PLCE1: variants seen among roughly 807,000 people sequenced by gnomAD.
The protein encoded by PLCE1 is 1-phosphatidylinositol 4,5-bisphosphate phosphodiesterase epsilon-1.
A neutral mutation model predicts 242.8 loss-of-function variants in PLCE1; 119 were observed. The ratio of observed to expected loss-of-function variants is 0.49; its 90% CI spans 0.42 to 0.57. The LOEUF (loss-of-function observed/expected upper bound fraction) is 0.57. Among genes scored for constraint, PLCE1 ranks in the 20% least tolerant of loss-of-function variants. PLCE1 has a pLI of 0.00. For synonymous variants in PLCE1, 945 were observed against 1,017.4 expected, an observed-to-expected ratio of 0.93 and a Z score of 1.35; for missense variants, 2,441 against 2,788.8, an observed-to-expected ratio of 0.88 and a Z score of 2.81.
chr10:94,306,037 T>G lies in PLCE1; in HGVS notation c.5623-390T>G, dbSNP rs138509976. ...ACCAGGCTGGAGTACAGTGGCGTGA[T>G]CTCAGCTCACTGCAACCTCTGCTTC... is the stretch of plus-strand genomic sequence containing the variant. On this transcript the variant is annotated intron_variant, in intron 25 of 32. Coordinates refer to ENST00000371380, the MANE Select transcript of PLCE1 (RefSeq NM_016341.4). This position sits in a 1 kb window ranked among gnomAD's most constrained non-coding sequence, Gnocchi z 5.7. Among the ~76,000 whole-genome samples the G allele has an allele frequency of 1.2e-3, 182 of 152,074 alleles. No homozygotes were observed. Among genetic ancestry groups the G allele is most frequent in the Middle Eastern group, 0.01 (3 of 294 alleles).
intron 32 of PLCE1, among the ~76,000 whole-genome samples, chr10:94,327,198 G>T (rs898267021): frequency 6.6e-6 from 1 of 152,172 alleles, no homozygotes. Context: ...ATAGTCATTG[G>T]TGCATCTATG....
At chr10:94,044,124 A>G (rs2061831524) in intron 2 of PLCE1, among the ~76,000 whole-genome samples, 1 of 152,218 alleles carries the variant, frequency 6.6e-6, no homozygotes, top group African/African-American at 2.4e-5. Context: ...TGCCCTGAGA[A>G]TCCAGTGACT....
chr10:94,235,195 C>T (rs2050280426), intron 6 of PLCE1, among the ~76,000 whole-genome samples: 1 of 152,000 alleles, frequency 6.6e-6, no homozygotes, highest in Admixed American at 6.6e-5. Flanking sequence ...CACCTGATAT[C>T]AGAAAGACTT....
At chr10:94,186,542 A>T (rs1188431276) in intron 4 of PLCE1, among the ~76,000 whole-genome samples, 1 of 152,256 alleles carries the variant, frequency 6.6e-6, no homozygotes, top group East Asian at 1.9e-4. Context: ...TTTGATAAAT[A>T]TGTGCCATGT....
At chr10:94,111,484 G>A (rs2045953848) in intron 2 of PLCE1, among the ~76,000 whole-genome samples, 1 of 152,218 alleles carries the variant, frequency 6.6e-6, no homozygotes, top group East Asian at 1.9e-4. Context: ...CCTCCTGACA[G>A]GGAACAGGAT....
intron 2 of PLCE1, among the ~76,000 whole-genome samples, chr10:94,087,854 T>C (rs1165314176): frequency 6.6e-6 from 1 of 152,234 alleles, no homozygotes; most frequent in East Asian, 1.9e-4. Context: ...GTTTGATACT[T>C]ACCCCTACAT....
At chr10:94,115,521 T>G (rs537948125) in intron 2 of PLCE1, among the ~76,000 whole-genome samples, 1 of 152,254 alleles carries the variant, frequency 6.6e-6, no homozygotes, top group Admixed American at 6.5e-5. Flanking sequence ...TGGCCAGTGA[T>G]GATCAGCATT....
chr10:94,136,918 C>G (rs148796926), intron 3 of PLCE1, among the ~76,000 whole-genome samples: 1 of 152,176 alleles, frequency 6.6e-6, no homozygotes, highest in Non-Finnish European at 1.5e-5. Context: ...TCTGGCCGGG[C>G]GTGGTGGCTC....
At chr10:93,994,741 A>G (rs1422854168) in intron 1 of PLCE1, among the ~76,000 whole-genome samples, 2 of 152,204 alleles carry the variant, frequency 1.3e-5, no homozygotes, top group Admixed American at 1.3e-4. Context: ...AATACACTAG[A>G]GCAAGAAGTC....
chr10:94,053,250 C>A (rs1055828320), intron 2 of PLCE1, among the ~76,000 whole-genome samples: 3 of 152,142 alleles, frequency 2.0e-5, no homozygotes, highest in African/African-American at 7.2e-5. Context: ...GAAAATAACA[C>A]CTAATCTAGA....
intron 11 of PLCE1, among the ~76,000 whole-genome samples, chr10:94,256,455 A>G (rs983024736): frequency 6.6e-6 from 1 of 152,204 alleles, no homozygotes; most frequent in Non-Finnish European, 1.5e-5. Flanking sequence ...CTTATAATTT[A>G]TGCTTTATAC....
At chr10:94,109,896 G>A (rs10458745) in intron 2 of PLCE1, among the ~76,000 whole-genome samples, 1 of 149,990 alleles carries the variant, frequency 6.7e-6, no homozygotes, top group Non-Finnish European at 1.5e-5. Context: ...CTCAGACAAA[G>A]ACTCTTGAAG....
intron 18 of PLCE1, 70 bp from the exon 19 acceptor site, chr10:94,273,492 T>C (rs1308299692): frequency 7.3e-7 from 1 of 1,369,210 alleles, no homozygotes; most frequent in East Asian, 2.4e-5. Flanking sequence ...ACTATGTTTA[T>C]GAAGTGTACA....
At chr10:94,091,438 C>T (rs529158705) in intron 2 of PLCE1, among the ~76,000 whole-genome samples, 5 of 152,182 alleles carry the variant, frequency 3.3e-5, no homozygotes, top group African/African-American at 1.2e-4. Flanking sequence ...GGTTACAACA[C>T]AGCTTCTGAG....
At chr10:94,308,560 C>T (rs1425581766) in intron 26 of PLCE1, 21 bp from the exon 27 acceptor site, 1 of 1,507,502 alleles carries the variant, frequency 6.6e-7, no homozygotes, top group Non-Finnish European at 9.2e-7. Flanking sequence ...ACAAGCTTTT[C>T]CCAATTCTGT....
chr10:94,328,086 T>A lies in PLCE1; in HGVS notation c.*143T>A. The A allele has an allele frequency of 8.7e-6, 4 of 462,180 alleles. No individual in the cohort carries two copies. Among genetic ancestry groups the A allele is most frequent in the Middle Eastern group, 6.8e-4 (2 of 2,928 alleles). The allele number at this position is 462,180 out of a possible 1,614,324, so 28.6% of individuals were successfully genotyped here. A position where few individuals can be genotyped will look rare whatever the true frequency, so the allele number is the denominator to read the frequency against. On this transcript the variant is annotated 3_prime_UTR_variant, in exon 33 of 33. Coordinates refer to ENST00000371380, the MANE Select transcript of PLCE1 (RefSeq NM_016341.4). The stretch of plus-strand genomic sequence containing the variant: ...AACTGAAGCCTTCACACATGTGAGA[T>A]CCATGCTGAGGAGAAGCAAAATGGC...
rs1188844920 is a variant in PLCE1 at position 94,306,658 on chromosome 10, A to C, written c.5854A>C (p.Arg1952=). 6.2e-7 allele frequency: 1 copy of C among 1,614,096 alleles called. No homozygotes were observed. The highest frequency in any genetic ancestry group is 1.1e-5 in the South Asian group (1 of 91,086). The change falls in exon 26 of 33, where the codon AGA becomes CGA. Residue 1952 remains arginine (R), a synonymous_variant. Transcript: ENST00000371380. This position sits in a 1 kb window ranked among gnomAD's most constrained non-coding sequence, Gnocchi z 5.7. ...CAATAGTTCAGCGGTAACTGCTCAG[A>C]GAATCATTCCACTGAAAGCTTTAAA... ...ENNSSAVTAQ[R]IIPLKALKRG...
At chr10:94,303,213 T>C (rs2053095064) in intron 24 of PLCE1, among the ~76,000 whole-genome samples, 1 of 152,260 alleles carries the variant, frequency 6.6e-6, no homozygotes, top group Non-Finnish European at 1.5e-5. Flanking sequence ...GGGCGTTTAC[T>C]GCACTTTGCC....
At chr10:94,049,700 A>G (rs1455647162) in intron 2 of PLCE1, among the ~76,000 whole-genome samples, 1 of 152,168 alleles carries the variant, frequency 6.6e-6, no homozygotes, top group African/African-American at 2.4e-5. Context: ...CACAAAGTAA[A>G]CACAGATTTA....
Sources: gnomAD v4.1 joint callset for allele counts (sites outside exome capture counted in the v4.1 genomes callset) on GRCh38, gnomAD v4.1.1 for gene constraint, Gnocchi (gnomAD v3.1) non-coding constraint, MANE v1.5 for transcripts, NCBI Gene and HGNC (gene_info 2026-07-23, HGNC 2026-07-21) for gene names.